AFF1: variants seen among roughly 807,000 people sequenced by gnomAD.
AFF1 encodes the protein AF4/FMR2 family member 1.
In AFF1, 48 loss-of-function variants were observed where a neutral mutation model predicts 121.7. The ratio of observed to expected loss-of-function variants is 0.39; its 90% CI spans 0.31 to 0.50. The LOEUF is 0.50. Ranked by LOEUF, AFF1 falls within the 20% of genes least tolerant of loss-of-function variation. The pLI is 0.76. For missense variants in AFF1, 1,523 were observed against 1,511.7 expected, an observed-to-expected ratio of 1.01 and a Z score of -0.12; for synonymous variants, 613 against 563.0, an observed-to-expected ratio of 1.09 and a Z score of -1.26.
rs1050333774 is a variant in AFF1 at position 87,137,582 on chromosome 4, C to T, written c.*1881C>T. 4 of 230,916 alleles carry T rather than the reference C, an allele frequency of 1.7e-5. No homozygotes were observed. Among genetic ancestry groups the T allele is most frequent in the Non-Finnish European group, 2.6e-5 (3 of 116,744 alleles). The allele number at this position is 230,916 out of a possible 1,614,324, so 14.3% of individuals were successfully genotyped here. On this transcript the variant is annotated 3_prime_UTR_variant, in exon 21 of 21. Transcript: ENST00000395146. ...GAGCATAAGACCTTGATGTGTGATT[C>T]CTGATGACCGGTTTCATTTATTCAT...
chr4:86,942,365 C>T (rs972187579), intron 1 of AFF1, among the ~76,000 whole-genome samples: 2 of 152,170 alleles, frequency 1.3e-5, no homozygotes, highest in South Asian at 2.1e-4. Context: ...GGTGACTCAT[C>T]TGTCCAGATA....
At chr4:87,108,434 A>G in intron 11 of AFF1, 119 bp downstream of exon 11, 5 of 1,095,900 alleles carry the variant, frequency 4.6e-6, no homozygotes, top group Non-Finnish European at 6.4e-6. Context: ...CCCATGGGGC[A>G]ATGCTTTCCT....
chr4:86,976,230 C>T (rs982619763), intron 2 of AFF1, among the ~76,000 whole-genome samples: 4 of 152,072 alleles, frequency 2.6e-5, no homozygotes, highest in Non-Finnish European at 4.4e-5. Flanking sequence ...GTTGTGTTCA[C>T]AGTATTTAAC....
chr4:86,998,094 G>A lies in AFF1; in HGVS notation c.39-48072G>A, dbSNP rs551144625. On this transcript the variant is annotated intron_variant, in intron 2 of 20. Coordinates refer to ENST00000395146, the MANE Select transcript of AFF1 (RefSeq NM_001166693.3). ...GCCTAGGCAATAAGAGCGAAACTCCGTCTCAAAAAAAAAAAAAAAAAAAAA... is the reference window on the plus strand; with the variant it reads ...GCCTAGGCAATAAGAGCGAAACTCCATCTCAAAAAAAAAAAAAAAAAAAAA... Among the ~76,000 whole-genome samples, 14 of 56,890 alleles carry A rather than the reference G, an allele frequency of 2.5e-4. No individual in the cohort carries two copies. The Admixed American group carries it at 2.6e-3, about 10-fold the overall frequency. The allele number at this position is 56,890 out of a possible 152,430, so 37.3% of individuals were successfully genotyped here. A position where few individuals can be genotyped will look rare whatever the true frequency, so the allele number is the denominator to read the frequency against.
At chr4:86,983,478 G>A (rs927821527) in intron 2 of AFF1, among the ~76,000 whole-genome samples, 4 of 152,162 alleles carry the variant, frequency 2.6e-5, no homozygotes, top group South Asian at 4.1e-4. Context: ...GCAGTGTGCC[G>A]AGATCACGCC....
At chr4:87,127,555 CCA>C in intron 15 of AFF1, 86 bp from the exon 16 acceptor site, 1 of 1,238,014 alleles carries the variant, frequency 8.1e-7, no homozygotes, top group Non-Finnish European at 1.2e-6. Flanking sequence ...TGCTGTCCTC[CCA>C]TCCTTTTTCA....
intron 2 of AFF1, among the ~76,000 whole-genome samples, chr4:86,997,323 A>AAAAAATTTG (rs1725295010): frequency 6.6e-6 from 1 of 152,236 alleles, no homozygotes; most frequent in African/African-American, 2.4e-5. Context: ...GAAGGCTTTC[A>AAAAAATTTG]CCAGGTGTGG....
At chr4:87,015,194 C>G (rs1727176882) in intron 2 of AFF1, among the ~76,000 whole-genome samples, 1 of 152,308 alleles carries the variant, frequency 6.6e-6, no homozygotes, top group Non-Finnish European at 1.5e-5. Context: ...CTAGCAATTA[C>G]AGCTATAGGA....
intron 4 of AFF1, among the ~76,000 whole-genome samples, chr4:87,076,819 T>C (rs1024874491): frequency 5.3e-5 from 8 of 152,238 alleles, no homozygotes; most frequent in African/African-American, 1.9e-4. Context: ...TGCTGGTCCC[T>C]TTGAACGTTT....
intron 2 of AFF1, among the ~76,000 whole-genome samples, chr4:87,038,099 C>T (rs528678249): frequency 2.6e-5 from 4 of 152,272 alleles, no homozygotes; most frequent in Admixed American, 1.3e-4. Context: ...CAACTGACAT[C>T]GTGCTGTTTT....
chr4:87,041,764 C>T (rs1730180236), intron 2 of AFF1, among the ~76,000 whole-genome samples: 1 of 152,060 alleles, frequency 6.6e-6, no homozygotes, highest in African/African-American at 2.4e-5. Flanking sequence ...CCTATAATCT[C>T]AACACTTTAG....
rs11322791 is a variant in AFF1, at chr4:87,013,666, CTT to C, written c.39-32483_39-32482del. ...GTTAAGGCTGTGATGAAGATCTTAC[CTT>C]TTTTTTTTTTTTTTTTAAGTATTGC... On this transcript the variant is annotated intron_variant, in intron 2 of 20. Transcript: ENST00000395146. Among the ~76,000 whole-genome samples the C allele has an allele frequency of 2.6e-3, 351 of 135,338 alleles. 2 individuals carry two copies. Among genetic ancestry groups the C allele is most frequent in the Non-Finnish European group, 3.1e-3 (196 of 63,154 alleles). 88.8% of individuals were successfully genotyped at this position (135,338 alleles called of 152,430 possible). A position where few individuals can be genotyped will look rare whatever the true frequency, so the allele number is the denominator to read the frequency against.
intron 2 of AFF1, chr4:86,950,049 G>C: frequency 1.9e-6 from 3 of 1,614,092 alleles, no homozygotes; most frequent in South Asian, 1.1e-5. Flanking sequence ...GTGTAGAGAG[G>C]GTGATTGATG....
chr4:87,070,204 A>T (rs1236147518), intron 4 of AFF1, among the ~76,000 whole-genome samples: 1 of 152,128 alleles, frequency 6.6e-6, no homozygotes, highest in Non-Finnish European at 1.5e-5. Flanking sequence ...GGGTTTCACC[A>T]TGTTGGCGAG....
intron 2 of AFF1, among the ~76,000 whole-genome samples, chr4:86,968,126 T>A (rs1212618073): frequency 6.6e-6 from 1 of 152,170 alleles, no homozygotes; most frequent in Non-Finnish European, 1.5e-5. Flanking sequence ...CAAATGCTGT[T>A]AAACTGTGGA....
intron 1 of AFF1, among the ~76,000 whole-genome samples, chr4:86,947,611 T>A (rs1020033735): frequency 6.6e-6 from 1 of 152,144 alleles, no homozygotes; most frequent in Non-Finnish European, 1.5e-5. Context: ...TTAATGCAAG[T>A]TAGGATAAGT....
intron 2 of AFF1, among the ~76,000 whole-genome samples, chr4:86,996,888 G>A (rs894822811): frequency 3.9e-5 from 6 of 152,178 alleles, no homozygotes; most frequent in Non-Finnish European, 7.3e-5. Flanking sequence ...TACCATGGGA[G>A]GAGAACTGGT....
chr4:86,976,831 C>G (rs1330217151), intron 2 of AFF1, among the ~76,000 whole-genome samples: 2 of 152,214 alleles, frequency 1.3e-5, no homozygotes, highest in Non-Finnish European at 2.9e-5. Flanking sequence ...ATGCCCATAC[C>G]TGATGTCTAG....
At chr4:87,013,257 C>G (rs572108057) in intron 2 of AFF1, among the ~76,000 whole-genome samples, 81 of 152,026 alleles carry the variant, frequency 5.3e-4, no homozygotes, top group African/African-American at 1.9e-3. Flanking sequence ...TCAGGATGGT[C>G]TCGAACTCCA....
Sources: gnomAD v4.1 joint callset for allele counts (sites outside exome capture counted in the v4.1 genomes callset) on GRCh38, gnomAD v4.1.1 for gene constraint, MANE v1.5 for transcripts, NCBI Gene and HGNC (gene_info 2026-07-23, HGNC 2026-07-21) for gene names.